STXBP5L: variants seen among roughly 807,000 people sequenced by gnomAD.
STXBP5L encodes syntaxin binding protein 5L.
In STXBP5L, 65 loss-of-function variants were observed where a neutral mutation model predicts 144.5. The ratio of observed to expected loss-of-function variants is 0.45; its 90% confidence interval spans 0.37 to 0.55. The LOEUF is 0.55. STXBP5L is among the 20% of genes least tolerant of loss of function. The probability of loss-of-function intolerance (pLI) is 0.00; values close to 1 mark genes in which losing one functional copy is unlikely to be tolerated. For missense variants in STXBP5L, 1,298 were observed against 1,405.5 expected (o/e 0.92, Z 1.22); for synonymous variants, 505 against 469.6 (o/e 1.08, Z -0.97).
chr3:121,402,783 G>T (rs1177180258), intron 22 of STXBP5L, among the ~76,000 whole-genome samples: 1 of 151,990 alleles, frequency 6.6e-6, no homozygotes, highest in Non-Finnish European at 1.5e-5. Context: ...GACAACAATT[G>T]CATATTTTCT....
At chr3:121,044,927 G>A (rs1947406779) in intron 4 of STXBP5L, among the ~76,000 whole-genome samples, 1 of 151,902 alleles carries the variant, frequency 6.6e-6, no homozygotes, top group Non-Finnish European at 1.5e-5. Context: ...AAGCTTCTTG[G>A]ACTATAAGAA....
intron 5 of STXBP5L, among the ~76,000 whole-genome samples, chr3:121,087,765 G>C (rs1171757714): frequency 6.6e-6 from 1 of 151,686 alleles, no homozygotes; most frequent in African/African-American, 2.4e-5. Flanking sequence ...CCTTTCTGTG[G>C]TTTAATTGAA....
At chr3:121,315,233 C>G (rs2108523798) in intron 19 of STXBP5L, among the ~76,000 whole-genome samples, 1 of 152,178 alleles carries the variant, frequency 6.6e-6, no homozygotes, top group Admixed American at 6.5e-5. Context: ...TTGGAACCAA[C>G]CCAAATGTCC....
At chr3:121,005,142 G>A (rs1267370749) in intron 3 of STXBP5L, among the ~76,000 whole-genome samples, 1 of 152,162 alleles carries the variant, frequency 6.6e-6, no homozygotes, top group South Asian at 2.1e-4. Flanking sequence ...GCTCCTCCTT[G>A]TAACTCTGGT....
At chr3:121,066,613 G>T (rs960925457) in intron 5 of STXBP5L, among the ~76,000 whole-genome samples, 9 of 151,984 alleles carry the variant, frequency 5.9e-5, no homozygotes, top group African/African-American at 2.2e-4. Flanking sequence ...TGCTGGGTTT[G>T]CTAATATTTT....
chr3:121,104,717 T>G (rs1237977965), intron 5 of STXBP5L, among the ~76,000 whole-genome samples: 2 of 152,112 alleles, frequency 1.3e-5, no homozygotes, highest in Non-Finnish European at 2.9e-5. Context: ...AAGTGGATCC[T>G]CATCTCTCAC....
chr3:121,222,259 A>G (rs2108289065), intron 10 of STXBP5L, among the ~76,000 whole-genome samples: 1 of 152,196 alleles, frequency 6.6e-6, no homozygotes, highest in African/African-American at 2.4e-5. Context: ...TGACTTCATA[A>G]TTTTCAGATA....
intron 5 of STXBP5L, among the ~76,000 whole-genome samples, chr3:121,084,347 G>A (rs2042388857): frequency 6.6e-6 from 1 of 152,038 alleles, no homozygotes; most frequent in Admixed American, 6.6e-5. Flanking sequence ...TATTTATCCT[G>A]ATGCTCTCCC....
chr3:121,122,820 T>C (rs546468065), intron 7 of STXBP5L, among the ~76,000 whole-genome samples: 2 of 151,582 alleles, frequency 1.3e-5, no homozygotes, highest in African/African-American at 2.4e-5. Flanking sequence ...CTAAAAACTT[T>C]AGGGCATATG....
intron 8 of STXBP5L, among the ~76,000 whole-genome samples, chr3:121,153,215 A>G (rs1343242896): frequency 6.6e-6 from 1 of 152,054 alleles, no homozygotes; most frequent in Non-Finnish European, 1.5e-5. Flanking sequence ...CCCAGTTGAC[A>G]CTTCAGTTGT....
chr3:120,965,404 G>T (rs1939442137), intron 3 of STXBP5L, among the ~76,000 whole-genome samples: 1 of 152,200 alleles, frequency 6.6e-6, no homozygotes, highest in Non-Finnish European at 1.5e-5. Context: ...TGTTTTTGCA[G>T]TGGCTGATAC....
chr3:121,392,355 C>T (rs2046610095), intron 22 of STXBP5L, among the ~76,000 whole-genome samples: 1 of 152,144 alleles, frequency 6.6e-6, no homozygotes, highest in Non-Finnish European at 1.5e-5. Flanking sequence ...CTTGCGCTTC[C>T]CAGGTAAGGT....
At chr3:120,915,502 A>G (rs1709060036) in intron 2 of STXBP5L, among the ~76,000 whole-genome samples, 1 of 152,126 alleles carries the variant, frequency 6.6e-6, no homozygotes, top group Non-Finnish European at 1.5e-5. Flanking sequence ...TTCTCATAAG[A>G]GAAAAATGGA....
chr3:120,993,302 G>T (rs1313354434), intron 3 of STXBP5L, among the ~76,000 whole-genome samples: 1 of 151,942 alleles, frequency 6.6e-6, no homozygotes, highest in Non-Finnish European at 1.5e-5. Context: ...TCTGCAGTAG[G>T]TTTTCAATTT....
chr3:121,060,145 C>T (rs1281898179), intron 5 of STXBP5L, among the ~76,000 whole-genome samples: 3 of 152,056 alleles, frequency 2.0e-5, no homozygotes, highest in African/African-American at 7.2e-5. Flanking sequence ...AGATACGTTC[C>T]ATCAGTACCT....
chr3:121,190,677 G>A (rs1376956485), intron 9 of STXBP5L, among the ~76,000 whole-genome samples: 26 of 151,874 alleles, frequency 1.7e-4, no homozygotes, highest in African/African-American at 4.4e-4. Context: ...CTGGCTGGGC[G>A]GCGGCTGCCC....
At position 120,969,921 on chromosome 3, in the gene STXBP5L, T is replaced by A. The variant is rs551522259; in HGVS notation, c.287+14884T>A. On this transcript the variant is annotated intron_variant, in intron 3 of 26. Transcript: ENST00000471454. ...GGTTAAGTGAATTTCTCTGGTAGTA[T>A]GTTTTGATTTTGTGCTACTTATTTT... Among the ~76,000 whole-genome samples, 7 of 152,244 alleles carry A rather than the reference T, an allele frequency of 4.6e-5. No homozygotes were observed. The East Asian group carries it at 1.2e-3, about 25-fold the overall frequency.
chr3:121,239,446 G>GA (rs1202933471), intron 13 of STXBP5L, among the ~76,000 whole-genome samples: 4 of 149,978 alleles, frequency 2.7e-5, no homozygotes, highest in Admixed American at 6.7e-5. Context: ...TATTTTAGAT[G>GA]AAAAAATATG....
chr3:121,316,399 C>A (rs141622750), intron 19 of STXBP5L, among the ~76,000 whole-genome samples: 1 of 152,114 alleles, frequency 6.6e-6, no homozygotes, highest in Non-Finnish European at 1.5e-5. Flanking sequence ...CTTTAACCAC[C>A]AAATTTTGTA....
Sources: gnomAD v4.1 joint callset for allele counts (sites outside exome capture counted in the v4.1 genomes callset) on GRCh38, gnomAD v4.1.1 for gene constraint, MANE v1.5 for transcripts, NCBI Gene and HGNC (gene_info 2026-07-23, HGNC 2026-07-21) for gene names.